DNAH14: variants seen among roughly 807,000 people sequenced by gnomAD.
DNAH14 encodes axonemal beta dynein heavy chain 14.
A neutral mutation model predicts 520.9 loss-of-function variants in DNAH14; 478 were observed. The ratio of observed to expected loss-of-function variants is 0.92; its 90% CI spans 0.85 to 0.99. The LOEUF is 0.99. Ranked by LOEUF, DNAH14 falls within the 50% of genes least tolerant of loss-of-function variation. The pLI, the probability that DNAH14 is intolerant of heterozygous loss-of-function variation, is 0.00. For synonymous variants in DNAH14, 1,581 were observed against 1,757.2 expected, an observed-to-expected ratio of 0.90 and a Z score of 2.51; for missense variants, 4,831 against 5,234.5, an observed-to-expected ratio of 0.92 and a Z score of 2.38.
intron 34 of DNAH14, among the ~76,000 whole-genome samples, chr1:225,156,030 G>A (rs771315159): frequency 2.0e-4 from 30 of 151,682 alleles, no homozygotes; most frequent in Admixed American, 7.9e-4. Context: ...TCCTCTTCCC[G>A]TCCCTGTCCC....
chr1:225,195,594 G>A (rs1020306188), intron 38 of DNAH14, among the ~76,000 whole-genome samples: 13 of 150,948 alleles, frequency 8.6e-5, no homozygotes, highest in Non-Finnish European at 1.6e-4. Flanking sequence ...CCAAACCCCC[G>A]AGACACGCAA....
chr1:225,157,177 A>G (rs1049806459), intron 34 of DNAH14, among the ~76,000 whole-genome samples: 1 of 152,154 alleles, frequency 6.6e-6, no homozygotes, highest in African/African-American at 2.4e-5. Context: ...TTTTGTTTAG[A>G]AAACAAACTA....
chr1:225,057,065 G>C (rs1360438001), intron 17 of DNAH14, among the ~76,000 whole-genome samples: 1 of 152,186 alleles, frequency 6.6e-6, no homozygotes, highest in Non-Finnish European at 1.5e-5. Flanking sequence ...CCAATTCTGT[G>C]AAGAAAGTCT....
chr1:225,208,876 T>TGTA (rs1282669817), intron 41 of DNAH14, among the ~76,000 whole-genome samples: 13 of 152,216 alleles, frequency 8.5e-5, no homozygotes, highest in African/African-American at 3.1e-4. Context: ...TGCAGTCTGC[T>TGTA]GTAAGCCCAT....
At chr1:225,082,923 A>G (rs1456939564) in intron 20 of DNAH14, among the ~76,000 whole-genome samples, 184 bp downstream of exon 20, 1 of 152,148 alleles carries the variant, frequency 6.6e-6, no homozygotes, top group African/African-American at 2.4e-5. Flanking sequence ...ATATTGGGTA[A>G]GCTATTAATT....
In DNAH14 at chr1:225,392,494, C is replaced by T. The variant is rs1436554637; in HGVS notation, c.13491+43C>T. ...GGATTAGAAACGGTGATCATTCATT[C>T]ATTCATTTATTCATTCAATCAATTG... is the stretch of plus-strand genomic sequence containing the variant. On this transcript the variant is annotated intron_variant, in intron 84 of 85. Transcript: ENST00000682510. 14 of 1,545,614 alleles carry T rather than the reference C, an allele frequency of 9.1e-6. No homozygotes were observed. The South Asian group carries it at 1.7e-4, about 19-fold the overall frequency.
At chr1:224,992,328 T>G (rs2063115726) in intron 8 of DNAH14, among the ~76,000 whole-genome samples, 1 of 152,216 alleles carries the variant, frequency 6.6e-6, no homozygotes, top group Non-Finnish European at 1.5e-5. Flanking sequence ...TTTAACAACA[T>G]TAGTTCTTCC....
intron 10 of DNAH14, among the ~76,000 whole-genome samples, chr1:225,023,044 C>G (rs1356159692): frequency 6.6e-6 from 1 of 152,036 alleles, no homozygotes; most frequent in Non-Finnish European, 1.5e-5. Flanking sequence ...AACATAGTTA[C>G]ACATGGGCAG....
chr1:224,972,381 G>T (rs1330227910), intron 7 of DNAH14, among the ~76,000 whole-genome samples: 15 of 151,906 alleles, frequency 9.9e-5, no homozygotes, highest in Non-Finnish European at 1.3e-4. Context: ...TCGGCTCACT[G>T]CAAGCTCTGC....
intron 1 of DNAH14, among the ~76,000 whole-genome samples, chr1:224,944,512 G>A (rs921674017): frequency 6.9e-6 from 1 of 144,786 alleles, no homozygotes; most frequent in African/African-American, 2.8e-5. Context: ...ATATCGTTAT[G>A]TGTGAATTTT....
chr1:225,297,508 A>C (rs1208560466), intron 55 of DNAH14, among the ~76,000 whole-genome samples: 1 of 152,202 alleles, frequency 6.6e-6, no homozygotes. Context: ...TTTATGGAGT[A>C]GCTTTCATAA....
At chr1:224,994,246 A>G (rs1251574552) in intron 8 of DNAH14, among the ~76,000 whole-genome samples, 3 of 151,988 alleles carry the variant, frequency 2.0e-5, no homozygotes, top group Admixed American at 1.3e-4. Flanking sequence ...TTCTGTCTGA[A>G]TGATCTGTCC....
At chr1:225,099,469 A>T (rs1053643393) in intron 22 of DNAH14, among the ~76,000 whole-genome samples, 2 of 152,110 alleles carry the variant, frequency 1.3e-5, no homozygotes, top group African/African-American at 4.8e-5. Flanking sequence ...AACTGAGGGG[A>T]TACTACTGGC....
At chr1:225,301,664 G>A (rs1485037445) in intron 56 of DNAH14, among the ~76,000 whole-genome samples, 1 of 152,100 alleles carries the variant, frequency 6.6e-6, no homozygotes, top group African/African-American at 2.4e-5. Context: ...ACTGGGGGAG[G>A]ACCACAGGTG....
intron 9 of DNAH14, among the ~76,000 whole-genome samples, chr1:225,004,351 T>A (rs1040706425): frequency 6.6e-6 from 1 of 152,164 alleles, no homozygotes; most frequent in Admixed American, 6.6e-5. Flanking sequence ...AAAACAGTCA[T>A]GTTACAGAAA....
intron 58 of DNAH14, among the ~76,000 whole-genome samples, chr1:225,306,126 T>G (rs1231918): frequency 6.6e-6 from 1 of 152,092 alleles, no homozygotes; most frequent in Non-Finnish European, 1.5e-5. Context: ...ATTTGTGTGC[T>G]GCAGGCAAGT....
At position 225,374,881 on chromosome 1, in the gene DNAH14, A is replaced by T; in HGVS notation, c.12512A>T (p.Asp4171Val). Reference sequence around the variant, plus strand: ...AAAGATGACTTCAGTTTCTCCAGTGATGGGGTAGGAAAAGAATCAATCTTC... The same window carrying T: ...AAAGATGACTTCAGTTTCTCCAGTGTTGGGGTAGGAAAAGAATCAATCTTC... Reference protein sequence around the residue: ...VLKDDFSFSSDGICLPVPGSA... With the variant: ...VLKDDFSFSSVGICLPVPGSA... Residue 4171 changes from aspartate to valine, a missense_variant, in exon 78 of 86, where the codon GAT becomes GTT. By Grantham distance (152) the Asp-to-Val change is radical. Transcript: ENST00000682510. 1 of 1,547,250 alleles carries T rather than the reference A, an allele frequency of 6.5e-7. No homozygotes were observed. The highest frequency in any genetic ancestry group is 8.7e-7 in the Non-Finnish European group (1 of 1,143,878).
At chr1:224,986,035 A>G (rs943415020) in intron 8 of DNAH14, among the ~76,000 whole-genome samples, 3 of 152,108 alleles carry the variant, frequency 2.0e-5, no homozygotes, top group African/African-American at 7.2e-5. Flanking sequence ...AAAGATATCA[A>G]TATTCAAGTA....
intron 27 of DNAH14, among the ~76,000 whole-genome samples, chr1:225,131,221 G>T (rs1405597170): frequency 6.6e-6 from 1 of 152,036 alleles, no homozygotes; most frequent in African/African-American, 2.4e-5. Context: ...TTATTAAAAA[G>T]TTACTAAAAA....
Sources: allele counts gnomAD v4.1 joint callset (sites outside exome capture counted in the v4.1 genomes callset), GRCh38; gene constraint gnomAD v4.1.1; transcripts MANE v1.5; gene names NCBI Gene and HGNC (gene_info 2026-07-23, HGNC 2026-07-21).